The following C12orf50 variants were observed in gnomAD, a reference collection of about 807,000 sequenced individuals.
The protein encoded by C12orf50 is uncharacterized protein C12orf50.
Under a neutral mutation model 61.6 loss-of-function variants are expected in C12orf50, and 35 were observed. The ratio of observed to expected loss-of-function variants is 0.57; its 90% CI spans 0.43 to 0.75. The LOEUF (loss-of-function observed/expected upper bound fraction) is 0.75. Among genes scored for constraint, C12orf50 ranks in the 30% least tolerant of loss-of-function variants. The pLI, the probability that C12orf50 is intolerant of heterozygous loss-of-function variation, is 0.00. For synonymous variants in C12orf50, 178 were observed against 161.5 expected, an observed-to-expected ratio of 1.10 and a Z score of -0.77; for missense variants, 475 against 488.5, an observed-to-expected ratio of 0.97 and a Z score of 0.26.
Position 87,989,327 on chromosome 12 carries a change from C to A in C12orf50, c.637G>T (p.Asp213Tyr), listed in dbSNP as rs767744435. ...VPQRVIFLGV[D>Y]ESEALTEEKE... is the part of the protein sequence containing the mutation. Reference sequence around the variant, plus strand: ...TCTTCAGTTAAAGCTTCACTTTCATCGACTCCAAGAAATATGACCCTCTGT... The same window carrying A: ...TCTTCAGTTAAAGCTTCACTTTCATAGACTCCAAGAAATATGACCCTCTGT... The change falls in exon 8 of 13, where the codon GAT (aspartate) becomes TAT (tyrosine). Residue 213 changes from aspartate (D) to tyrosine (Y), a missense_variant. Transcript: ENST00000298699. 1 of 1,611,820 alleles carries A rather than the reference C, an allele frequency of 6.2e-7. No individual in the cohort carries two copies. Among genetic ancestry groups the A allele is most frequent in the Admixed American group, 1.7e-5 (1 of 59,804 alleles).
chr12:88,010,891 G>T (rs1179768164), intron 3 of C12orf50, among the ~76,000 whole-genome samples: 2 of 151,962 alleles, frequency 1.3e-5, no homozygotes, highest in Non-Finnish European at 1.5e-5. Flanking sequence ...AAACAAAAGG[G>T]TGCTGAATTT....
intron 3 of C12orf50, among the ~76,000 whole-genome samples, chr12:88,020,783 G>T (rs2032486947): frequency 6.6e-6 from 1 of 150,928 alleles, no homozygotes; most frequent in African/African-American, 2.4e-5. Flanking sequence ...CATACATTTG[G>T]ACATAAAACA....
chr12:88,026,145 G>GTATGACC (rs2032698377), intron 3 of C12orf50, among the ~76,000 whole-genome samples: 1 of 152,102 alleles, frequency 6.6e-6, no homozygotes, highest in Non-Finnish European at 1.5e-5. Context: ...ACCAGTGAAG[G>GTATGACC]TATGACCTCT....
chr12:88,010,747 G>T (rs2032078891), intron 3 of C12orf50, among the ~76,000 whole-genome samples: 1 of 151,662 alleles, frequency 6.6e-6, no homozygotes, highest in Non-Finnish European at 1.5e-5. Context: ...AGATAGGATG[G>T]GAAAGAGCAC....
chr12:87,999,577 A>G (rs191164604), intron 3 of C12orf50, among the ~76,000 whole-genome samples: 93 of 152,300 alleles, frequency 6.1e-4, no homozygotes, highest in African/African-American at 2.1e-3. Flanking sequence ...GGGAATGAAA[A>G]ATGCTGCAGC....
At chr12:87,991,962 G>A (rs2031144687) in intron 7 of C12orf50, among the ~76,000 whole-genome samples, 1 of 152,104 alleles carries the variant, frequency 6.6e-6, no homozygotes, top group South Asian at 2.1e-4. Context: ...TGCTGGACCC[G>A]CACATTCCTA....
intron 12 of C12orf50, among the ~76,000 whole-genome samples, chr12:87,982,482 C>T (rs1480590249): frequency 1.3e-5 from 2 of 152,142 alleles, no homozygotes; most frequent in Non-Finnish European, 2.9e-5. Flanking sequence ...AGCATTTTAT[C>T]CCCTGTAGAT....
intron 6 of C12orf50, among the ~76,000 whole-genome samples, chr12:87,995,856 A>G (rs1038610876): frequency 6.6e-5 from 10 of 152,188 alleles, no homozygotes; most frequent in African/African-American, 2.4e-4. Flanking sequence ...ATGTTCATCC[A>G]CAGTAAATCA....
chr12:88,025,255 T>A (rs1326808331), intron 3 of C12orf50, among the ~76,000 whole-genome samples: 3 of 152,062 alleles, frequency 2.0e-5, no homozygotes, highest in African/African-American at 7.2e-5. Context: ...AGGATAGGCT[T>A]AGATAGGAGT....
chr12:87,987,805 G>C (rs1247751144), intron 9 of C12orf50, 45 bp downstream of exon 9: 2 of 1,224,700 alleles, frequency 1.6e-6, no homozygotes, highest in Admixed American at 2.0e-5. Flanking sequence ...TCCATGGTAA[G>C]ACAAATATAT....
chr12:88,000,603 T>C (rs2031615645), intron 3 of C12orf50, among the ~76,000 whole-genome samples: 1 of 151,962 alleles, frequency 6.6e-6, no homozygotes, highest in Admixed American at 6.6e-5. Flanking sequence ...TTTGATAAAT[T>C]CTACATTAAA....
chr12:87,989,381 A>C lies in C12orf50; in HGVS notation c.593-10T>G. 6.3e-7 allele frequency: 1 copy of C among 1,593,602 alleles called. No individual in the cohort carries two copies. Among genetic ancestry groups the C allele is most frequent in the Non-Finnish European group, 8.6e-7 (1 of 1,163,796 alleles). ...ACATAACAGTCACCTCCTATGACAA[A>C]ACCTTACTGTCAGTGGCAACAATGG... On this transcript the variant is annotated splice_polypyrimidine_tract_variant and intron_variant, in intron 7 of 12. Transcript: ENST00000298699.
chr12:87,980,499 T>C (rs572169878), intron 12 of C12orf50, 143 bp from the exon 13 acceptor site: 1 of 733,238 alleles, frequency 1.4e-6, no homozygotes, highest in Non-Finnish European at 2.2e-6. Context: ...ATTTTCAAAA[T>C]GCCATTCAAA....
intron 12 of C12orf50, 28 bp downstream of exon 12, chr12:87,983,075 T>C (rs899949208): frequency 3.1e-6 from 4 of 1,304,984 alleles, no homozygotes; most frequent in Admixed American, 4.1e-5. Context: ...AATTGCATGA[T>C]ACATTAAAAC....
chr12:87,994,054 G>A (rs1278807206), intron 7 of C12orf50, among the ~76,000 whole-genome samples: 2 of 151,854 alleles, frequency 1.3e-5, no homozygotes, highest in Non-Finnish European at 2.9e-5. Flanking sequence ...ACAAAAATTA[G>A]CCGGGTGTGG....
intron 3 of C12orf50, among the ~76,000 whole-genome samples, chr12:88,007,582 G>A (rs1035336268): frequency 1.3e-5 from 2 of 152,166 alleles, no homozygotes; most frequent in Non-Finnish European, 2.9e-5. Context: ...ACAGAAGAAG[G>A]CAGAAGGGCA....
At chr12:88,002,300 A>G (rs1458996440) in intron 3 of C12orf50, among the ~76,000 whole-genome samples, 2 of 151,678 alleles carry the variant, frequency 1.3e-5, no homozygotes, top group Non-Finnish European at 3.0e-5. Flanking sequence ...TAAATGTCTC[A>G]ATTTTTTTCT....
intron 11 of C12orf50, 131 bp from the exon 12 acceptor site, chr12:87,983,326 G>A (rs2030615686): frequency 4.0e-6 from 2 of 499,874 alleles, no homozygotes; most frequent in South Asian, 3.7e-5. Flanking sequence ...TCAAAGCTAA[G>A]GCATCAGGGA....
intron 7 of C12orf50, among the ~76,000 whole-genome samples, chr12:87,991,920 C>A (rs886720841): frequency 2.0e-5 from 3 of 152,100 alleles, no homozygotes; most frequent in Admixed American, 2.0e-4. Context: ...TTGTTGTTTG[C>A]AAACGTACGC....
Sources: allele counts gnomAD v4.1 joint callset (sites outside exome capture counted in the v4.1 genomes callset), GRCh38; gene constraint gnomAD v4.1.1; transcripts MANE v1.5; gene names NCBI Gene and HGNC (gene_info 2026-07-23, HGNC 2026-07-21).